FAM193B: variants seen among roughly 807,000 people sequenced by gnomAD.
FAM193B encodes protein FAM193B.
Under a neutral mutation model 70.7 loss-of-function variants are expected in FAM193B, and 27 were observed. The ratio of observed to expected loss-of-function variants is 0.38; its 90% CI spans 0.28 to 0.53. FAM193B has a LOEUF of 0.53. Ranked by LOEUF, FAM193B falls within the 20% of genes least tolerant of loss-of-function variation. The pLI is 0.81. For synonymous variants in FAM193B, 448 were observed against 436.0 expected (o/e 1.03, Z -0.34); for missense variants, 1,022 against 1,072.5 (o/e 0.95, Z 0.66).
chr5:177,552,518 A>G (rs762064050), intron 1 of FAM193B, among the ~76,000 whole-genome samples: 2 of 152,226 alleles, frequency 1.3e-5, no homozygotes, highest in African/African-American at 4.8e-5. Context: ...TGGCATCTCT[A>G]TGTGGCAGAG....
intron 1 of FAM193B, among the ~76,000 whole-genome samples, chr5:177,547,409 T>C (rs375944896): frequency 6.8e-6 from 1 of 147,964 alleles, no homozygotes; most frequent in Non-Finnish European, 1.5e-5. Context: ...CTCAGCCTCC[T>C]GTGTAGCTGG....
intron 1 of FAM193B, chr5:177,553,186 T>G: frequency 1.0e-6 from 1 of 985,570 alleles, no homozygotes; most frequent in African/African-American, 1.7e-5. Context: ...TTCCAGAGAT[T>G]CTACTAGAAG....
intron 1 of FAM193B, among the ~76,000 whole-genome samples, chr5:177,550,311 A>G (rs1766035427): frequency 6.6e-6 from 1 of 152,204 alleles, no homozygotes; most frequent in African/African-American, 2.4e-5. Flanking sequence ...GAAGTAGTGC[A>G]GGCTGGGTAG....
At position 177,524,496 on chromosome 5, in the gene FAM193B, G is replaced by A. The variant is rs755019770; in HGVS notation, c.1985C>T (p.Pro662Leu). 8 of 1,612,818 alleles carry A rather than the reference G, an allele frequency of 5.0e-6. No individual in the cohort carries two copies. In the Admixed American group the frequency reaches 5.0e-5, roughly 10 times the overall value. The stretch of plus-strand genomic sequence containing the variant: ...GCCAGCGACCTGGCCCTTGGCACTG[G>A]GAACCTCTAGGCTGGCTGGGGGCCG... ...APRPPASLEV[P>L]SAKGQVAGPK... is the part of the protein sequence containing the mutation. Residue 662 changes from proline (P) to leucine (L), a missense_variant, in exon 6 of 9, where the codon CCC becomes CTC. Transcript: ENST00000514747.
At position 177,538,478 on chromosome 5, in the gene FAM193B, A is replaced by C. The variant is rs1764451994; in HGVS notation, c.454-371T>G. On this transcript the variant is annotated intron_variant, in intron 2 of 8. Transcript: ENST00000514747. The surrounding 1 kb of genome is among the most constrained non-coding windows in gnomAD (Gnocchi z 4.1). ...AGGGAAGATCTGCAGCGACGTGAGA[A>C]ATGAGGAAAGTCTGGCCATCGTGAT... Among the ~76,000 whole-genome samples the C allele has an allele frequency of 6.6e-6, 1 of 152,164 alleles. No homozygotes were observed. The highest frequency in any genetic ancestry group is 1.5e-5 in the Non-Finnish European group (1 of 68,036).
At chr5:177,552,488 G>C (rs1163697417) in intron 1 of FAM193B, among the ~76,000 whole-genome samples, 1 of 152,230 alleles carries the variant, frequency 6.6e-6, no homozygotes, top group Non-Finnish European at 1.5e-5. Flanking sequence ...CTGAATGGTT[G>C]AGCCATCATC....
chr5:177,538,140 A>G lies in FAM193B; in HGVS notation c.454-33T>C. ...AGGGGGAGGAAAAAGGCTCACGGTC[A>G]AACAGCAAACATCGGAGCTGACCCT... On this transcript the variant is annotated intron_variant, in intron 2 of 8. Transcript: ENST00000514747. The surrounding 1 kb of genome is among the most constrained non-coding windows in gnomAD (Gnocchi z 4.1). The G allele has an allele frequency of 6.6e-7, 1 of 1,510,086 alleles. No homozygotes were observed. Among genetic ancestry groups the G allele is most frequent in the Non-Finnish European group, 8.9e-7 (1 of 1,121,736 alleles). The allele number at this position is 1,510,086 out of a possible 1,614,324, so 93.5% of individuals were successfully genotyped here.
Position 177,524,193 on chromosome 5 carries a change from G to A in FAM193B, c.2288C>T (p.Ser763Phe). The change falls in exon 6 of 9, where the codon TCC (serine) becomes TTC (phenylalanine). Residue 763 changes from serine to phenylalanine, a missense_variant. Physicochemically the swap from Ser to Phe is radical, Grantham distance 155 (BLOSUM62 -2). Coordinates refer to ENST00000514747, the MANE Select transcript of FAM193B (RefSeq NM_001190946.3). ...RSRNKQEKPA[S>F]SLDDVFLPKD... ...GTTCCTGGTGCACTCACCCAAGGAG[G>A]AGGCTGGCTTCTCCTGCTTGTTGCG... 6.4e-7 allele frequency: 1 copy of A among 1,561,680 alleles called. No individual in the cohort carries two copies. The highest frequency in any genetic ancestry group is 8.7e-7 in the Non-Finnish European group (1 of 1,153,080).
chr5:177,525,213 G>A lies in FAM193B; in HGVS notation c.1276-8C>T, dbSNP rs1373428779. 1 of 1,447,022 alleles carries A rather than the reference G, an allele frequency of 6.9e-7. No homozygotes were observed. Among genetic ancestry groups the A allele is most frequent in the East Asian group, 2.6e-5 (1 of 38,970 alleles). The allele number at this position is 1,447,022 out of a possible 1,614,324, so 89.6% of individuals were successfully genotyped here. A position where few individuals can be genotyped will look rare whatever the true frequency, so the allele number is the denominator to read the frequency against. On this transcript the variant is annotated splice_region_variant and splice_polypyrimidine_tract_variant and intron_variant, in intron 5 of 8. Transcript: ENST00000514747. Reference sequence around the variant, plus strand: ...CTGGGCCTTCTCCTTTTCCTGCCAAGGCAAGAGGCAGTTTTAGCAGGAGGC... The same window carrying A: ...CTGGGCCTTCTCCTTTTCCTGCCAAAGCAAGAGGCAGTTTTAGCAGGAGGC...
rs1233857317 is a variant in FAM193B at position 177,524,357 on chromosome 5, A to G, written c.2124T>C (p.Thr708=). The G allele has an allele frequency of 1.9e-6, 3 of 1,574,872 alleles. No individual in the cohort carries two copies. The highest frequency in any genetic ancestry group is 2.6e-6 in the Non-Finnish European group (3 of 1,161,518). The change falls in exon 6 of 9, where the codon ACT becomes ACC. Residue 708 remains threonine, a synonymous_variant. Coordinates refer to ENST00000514747, the MANE Select transcript of FAM193B (RefSeq NM_001190946.3). ...PGPGWAGSPK[T]EKEKGSSWRN... ...GCCAGGAGCTGCCCTTCTCCTTCTC[A>G]GTTTTGGGACTGCCAGCCCAACCTG...
rs550674802 is a variant in FAM193B at position 177,525,215 on chromosome 5, C to T, written c.1276-10G>A. The T allele has an allele frequency of 6.2e-6, 9 of 1,447,424 alleles. No individual in the cohort carries two copies. In the African/African-American group the frequency reaches 1.0e-4, roughly 16 times the overall value. 89.7% of individuals were successfully genotyped at this position (1,447,424 alleles called of 1,614,324 possible). On this transcript the variant is annotated splice_polypyrimidine_tract_variant and intron_variant, in intron 5 of 8. Transcript: ENST00000514747. ...GGGCCTTCTCCTTTTCCTGCCAAGG[C>T]AAGAGGCAGTTTTAGCAGGAGGCTG...
intron 1 of FAM193B, among the ~76,000 whole-genome samples, chr5:177,539,626 A>G (rs944346344): frequency 6.6e-6 from 1 of 152,194 alleles, no homozygotes; most frequent in African/African-American, 2.4e-5. Flanking sequence ...GAAGAATTGC[A>G]CAATTCCCTT....
rs1245175006 is a variant in FAM193B, at chr5:177,532,593, G to T, written c.1125C>A (p.Cys375Ter). ...CTGCCTCGCAGGGCTGGGGCAGCTG[G>T]CAAGCCAGGCCACTGTGTGCAAACT... The part of the protein sequence containing the change: ...GHKFAHSGLA[C>*]QLPQPCEADE... The change falls in exon 5 of 9, where the codon TGC becomes TGA. Residue 375 changes from cysteine to a stop codon, truncating the protein, a stop_gained. Transcript: ENST00000514747. LOFTEE classifies it high-confidence loss of function. The surrounding 1 kb of genome is among the most constrained non-coding windows in gnomAD (Gnocchi z 4.9). The T allele has an allele frequency of 6.3e-7, 1 of 1,592,594 alleles. No homozygotes were observed. The highest frequency in any genetic ancestry group is 1.9e-5 in the Admixed American group (1 of 53,950).
intron 1 of FAM193B, among the ~76,000 whole-genome samples, chr5:177,549,127 G>GTTAA (rs1171117894): frequency 6.6e-6 from 1 of 150,742 alleles, no homozygotes; most frequent in Non-Finnish European, 1.5e-5. Context: ...TACCACTTGT[G>GTTAA]TTAAGCATAC....
In FAM193B at chr5:177,522,158, C is replaced by T. The variant is rs989132972; in HGVS notation, c.2373-87G>A. On this transcript the variant is annotated intron_variant, in intron 7 of 8. Coordinates refer to ENST00000514747, the MANE Select transcript of FAM193B (RefSeq NM_001190946.3). ...CTCCTAAGGTACCATGTCCCCATCA[C>T]TAAGAGACCAGGTTCTCTACAAAAC... is the stretch of plus-strand genomic sequence containing the variant. The T allele has an allele frequency of 3.8e-6, 4 of 1,054,138 alleles. No homozygotes were observed. The Admixed American group carries it at 5.9e-5, about 15-fold the overall frequency. The allele number at this position is 1,054,138 out of a possible 1,614,324, so 65.3% of individuals were successfully genotyped here.
chr5:177,526,257 C>T (rs1762582932), intron 5 of FAM193B, among the ~76,000 whole-genome samples: 1 of 152,208 alleles, frequency 6.6e-6, no homozygotes, highest in Non-Finnish European at 1.5e-5. Context: ...TCTCTCTGAA[C>T]CTTACTTTTC....
In FAM193B at chr5:177,532,946, C is replaced by T. The variant is rs911689663; in HGVS notation, c.1077-305G>A. Among the ~76,000 whole-genome samples, 3 of 152,238 alleles carry T rather than the reference C, an allele frequency of 2.0e-5. No homozygotes were observed. Among genetic ancestry groups the T allele is most frequent in the Admixed American group, 1.3e-4 (2 of 15,290 alleles). On this transcript the variant is annotated intron_variant, in intron 4 of 8. Transcript: ENST00000514747. This position sits in a 1 kb window ranked among gnomAD's most constrained non-coding sequence, Gnocchi z 4.9. The stretch of plus-strand genomic sequence containing the variant: ...GTCACTCCATCTTCTGCTTATTGTG[C>T]GTCACTGTCATGGTCTGTTTGCGCA...
rs770857501 is a variant in FAM193B at position 177,524,524 on chromosome 5, G to A, written c.1957C>T (p.Pro653Ser). 5 of 1,612,564 alleles carry A rather than the reference G, an allele frequency of 3.1e-6. No homozygotes were observed. Among genetic ancestry groups the A allele is most frequent in the Non-Finnish European group, 3.4e-6 (4 of 1,179,598 alleles). ...QAKKSEASPAPRPPASLEVPS... is the reference protein window; with the variant it reads ...QAKKSEASPASRPPASLEVPS... ...ACCTCTAGGCTGGCTGGGGGCCGGG[G>A]GGCTGGGCTTGCCTCGCTCTTCTTG... The change falls in exon 6 of 9, where the codon CCC becomes TCC. Residue 653 changes from proline (P) to serine (S), a missense_variant. Coordinates refer to ENST00000514747, the MANE Select transcript of FAM193B (RefSeq NM_001190946.3).
rs778823456 is a variant in FAM193B at position 177,524,661 on chromosome 5, G to T, written c.1820C>A (p.Pro607His). Residue 607 changes from proline to histidine, a missense_variant, in exon 6 of 9, where the codon CCC (proline) becomes CAC (histidine). Physicochemically the swap from Pro to His is moderately conservative, Grantham distance 77. Transcript: ENST00000514747. ...IWVKTPKPGY[P>H]SSEEPSSKEV... The stretch of plus-strand genomic sequence containing the variant: ...CTTTGAGCTTGGCTCCTCGGAGCTG[G>T]GGTAGCCCGGCTTGGGTGTCTTGAC... The T allele has an allele frequency of 2.5e-6, 4 of 1,612,344 alleles. No individual in the cohort carries two copies. The East Asian group carries it at 8.9e-5, about 36-fold the overall frequency.
Sources: gnomAD v4.1 joint callset for allele counts (sites outside exome capture counted in the v4.1 genomes callset) on GRCh38, gnomAD v4.1.1 for gene constraint, Gnocchi (gnomAD v3.1) non-coding constraint, MANE v1.5 for transcripts, NCBI Gene and HGNC (gene_info 2026-07-23, HGNC 2026-07-21) for gene names.